PCDH15: variants seen among roughly 807,000 people sequenced by gnomAD.
PCDH15 encodes the protein protocadherin-15.
A neutral mutation model predicts 178.5 loss-of-function variants in PCDH15; 129 were observed. That is an observed-to-expected ratio of 0.72 (90% CI 0.63 to 0.84). PCDH15 has a LOEUF of 0.84. PCDH15 is among the 40% of genes least tolerant of loss of function. The pLI is 0.00. For synonymous variants in PCDH15, 800 were observed against 732.0 expected, an observed-to-expected ratio of 1.09 and a Z score of -1.50; for missense variants, 2,230 against 2,099.9, an observed-to-expected ratio of 1.06 and a Z score of -1.21.
chr10:55,321,760 T>G (rs1325828321), upstream of PCDH15, among the ~76,000 whole-genome samples: 1 of 152,120 alleles, frequency 6.6e-6, no homozygotes, highest in Non-Finnish European at 1.5e-5. Flanking sequence ...CAAATTAAGC[T>G]TCATAAGTGA....
At position 54,190,569 on chromosome 10, in the gene PCDH15, A is replaced by G. The variant is rs552030901; in HGVS notation, c.1305+5114T>C. On this transcript the variant is annotated intron_variant, in intron 11 of 37. Coordinates refer to ENST00000644397, the MANE Select transcript of PCDH15 (RefSeq NM_001384140.1). ...AAGCATGAACCACCATGCCTGGCTA[A>G]GTTTTTTGTTTATTTTTGTAGAGAC... Among the ~76,000 whole-genome samples the G allele has an allele frequency of 1.8e-3, 267 of 152,248 alleles. 1 individual carries two copies. The highest frequency in any genetic ancestry group is 6.3e-3 in the African/African-American group (262 of 41,560).
chr10:54,948,390 G>C lies in PCDH15; in HGVS notation c.-79-50890C>G, dbSNP rs189385088. On this transcript the variant is annotated intron_variant, in intron 2 of 5. Transcript: ENST00000458638. Reference sequence around the variant, plus strand: ...TTGGATGAGGCCCACCCACATTAGAGAGGTCAATCTGCTTTATCAATGTGA... The same window carrying C: ...TTGGATGAGGCCCACCCACATTAGACAGGTCAATCTGCTTTATCAATGTGA... 2.0e-5 allele frequency among the ~76,000 whole-genome samples: 3 copies of C among 152,034 alleles called. No individual in the cohort carries two copies. In the East Asian group the frequency reaches 5.8e-4, roughly 29 times the overall value.
intron 2 of PCDH15, among the ~76,000 whole-genome samples, chr10:55,153,467 A>G (rs1005727256): frequency 1.3e-5 from 2 of 152,172 alleles, no homozygotes; most frequent in Admixed American, 6.6e-5. Flanking sequence ...TCACCTTTGT[A>G]GTGGGCGTAT....
At chr10:54,966,340 T>G (rs1838788112) in intron 2 of PCDH15, among the ~76,000 whole-genome samples, 1 of 152,096 alleles carries the variant, frequency 6.6e-6, no homozygotes, top group South Asian at 2.1e-4. Flanking sequence ...CATAGAGTCA[T>G]GCACTCCTTA....
intron 2 of PCDH15, among the ~76,000 whole-genome samples, chr10:54,635,505 T>A (rs1387237728): frequency 6.6e-6 from 1 of 151,844 alleles, no homozygotes; most frequent in Non-Finnish European, 1.5e-5. Context: ...ATGGAAATTG[T>A]GAAGTTCACA....
chr10:54,383,629 T>G (rs12772192), intron 3 of PCDH15, among the ~76,000 whole-genome samples: 77,431 of 117,286 alleles, frequency 0.66, 22,133 homozygotes, highest in Middle Eastern at 0.73. Context: ...ATGTGTGTTT[T>G]TGTGTGTGTG....
chr10:54,476,059 T>G (rs1389426957), intron 3 of PCDH15, among the ~76,000 whole-genome samples: 3 of 147,846 alleles, frequency 2.0e-5, no homozygotes, highest in African/African-American at 7.4e-5. Flanking sequence ...GTGATTACAT[T>G]TATAGGGCAC....
chr10:55,354,034 T>C (rs949386848), intron 2 of PCDH15, among the ~76,000 whole-genome samples: 3 of 152,044 alleles, frequency 2.0e-5, no homozygotes, highest in Admixed American at 6.6e-5. Context: ...TCCTGATGCC[T>C]GAGATTCCTA....
chr10:55,188,683 T>C (rs1321994220), intron 1 of PCDH15, among the ~76,000 whole-genome samples: 2 of 151,900 alleles, frequency 1.3e-5, no homozygotes, highest in Non-Finnish European at 2.9e-5. Flanking sequence ...TATCCTTTTT[T>C]TAAAAAAAAT....
chr10:55,021,595 T>C (rs1399540891), intron 2 of PCDH15, among the ~76,000 whole-genome samples: 1 of 152,206 alleles, frequency 6.6e-6, no homozygotes, highest in East Asian at 1.9e-4. Flanking sequence ...CCATAATATG[T>C]TAAAATAAAA....
chr10:55,121,036 A>C (rs1425729723), intron 2 of PCDH15, among the ~76,000 whole-genome samples: 2 of 152,142 alleles, frequency 1.3e-5, no homozygotes, highest in Non-Finnish European at 2.9e-5. Flanking sequence ...TAGAACTACA[A>C]GACTGCAACA....
intron 1 of PCDH15, among the ~76,000 whole-genome samples, chr10:54,752,538 A>C (rs56274202): frequency 0.35 from 46,807 of 134,354 alleles, 13,175 homozygotes; most frequent in East Asian, 0.66. Flanking sequence ...ACAAAAAAAA[A>C]CAATAAAACA....
At chr10:54,286,398 A>G (rs2059027442) in intron 8 of PCDH15, among the ~76,000 whole-genome samples, 1 of 152,060 alleles carries the variant, frequency 6.6e-6, no homozygotes, top group South Asian at 2.1e-4. Context: ...GCTCCTAGAC[A>G]CCTGATTTTT....
At position 53,899,144 on chromosome 10, in the gene PCDH15, G is replaced by GA. The variant is rs567935816; in HGVS notation, c.3501+4098_3501+4099insT. 4.0e-5 allele frequency among the ~76,000 whole-genome samples: 5 copies of GA among 125,402 alleles called. 1 individual carries two copies. In the East Asian group the frequency reaches 1.2e-3, roughly 31 times the overall value. 82.3% of individuals were successfully genotyped at this position (125,402 alleles called of 152,430 possible). ...GTTTTTATTTATTTACTTTTTTTCG[G>GA]GGGGGGGTGGTCTAGTTTACTAGAA... On this transcript the variant is annotated intron_variant, in intron 26 of 37. Transcript: ENST00000644397.
At chr10:54,215,982 G>T in intron 9 of PCDH15, among the ~76,000 whole-genome samples, 1 of 111,498 alleles carries the variant, frequency 9.0e-6, no homozygotes, top group Non-Finnish European at 2.0e-5. Flanking sequence ...GGCGGAGCTT[G>T]CAGTGAGCTG....
intron 3 of PCDH15, among the ~76,000 whole-genome samples, chr10:54,843,561 C>T (rs765447004): frequency 2.0e-5 from 3 of 151,894 alleles, no homozygotes; most frequent in South Asian, 4.2e-4. Context: ...TTTTGCTTGT[C>T]GACTTTATAT....
chr10:54,836,464 G>A (rs1167321275), intron 3 of PCDH15, among the ~76,000 whole-genome samples: 1 of 152,072 alleles, frequency 6.6e-6, no homozygotes, highest in Non-Finnish European at 1.5e-5. Flanking sequence ...TTTTATATTT[G>A]TTGAGGAGAA....
intron 9 of PCDH15, among the ~76,000 whole-genome samples, chr10:54,234,706 T>A (rs553968999): frequency 6.6e-6 from 1 of 152,304 alleles, no homozygotes; most frequent in East Asian, 1.9e-4. Flanking sequence ...CTCTTCCTTC[T>A]AAAAATGTAA....
intron 15 of PCDH15, among the ~76,000 whole-genome samples, chr10:54,131,292 G>A (rs2042415017): frequency 6.6e-6 from 1 of 152,156 alleles, no homozygotes; most frequent in Non-Finnish European, 1.5e-5. Flanking sequence ...AATATAAAAT[G>A]TATAATTTCT....
Sources: gnomAD v4.1 joint callset for allele counts (sites outside exome capture counted in the v4.1 genomes callset) on GRCh38, gnomAD v4.1.1 for gene constraint, MANE v1.5 for transcripts, NCBI Gene and HGNC (gene_info 2026-07-23, HGNC 2026-07-21) for gene names.